FANCA: variants seen among roughly 807,000 people sequenced by gnomAD.
The protein encoded by FANCA is FA complementation group A.
In FANCA, 236 loss-of-function variants were observed where a neutral mutation model predicts 194.3. That is an observed-to-expected ratio of 1.21 (90% CI 1.09 to 1.35). The LOEUF (loss-of-function observed/expected upper bound fraction) is 1.35, where lower values mean the gene tolerates loss of function less well. Among genes scored for constraint, FANCA ranks in the 40% most tolerant of loss-of-function variants. The pLI, the probability that FANCA is intolerant of heterozygous loss-of-function variation, is 0.00. For synonymous variants in FANCA, 1,014 were observed against 715.8 expected, an observed-to-expected ratio of 1.42 and a Z score of -6.65; for missense variants, 2,628 against 1,813.9, an observed-to-expected ratio of 1.45 and a Z score of -8.15.
At chr16:89,759,993 CGGGGTGCTCCACCCACGCTGTCCGGAACT>C (rs2038898435) in intron 29 of FANCA, among the ~76,000 whole-genome samples, 4 of 151,240 alleles carry the variant, frequency 2.6e-5, no homozygotes, top group East Asian at 1.9e-4. Flanking sequence ...TGTCCGGGAC[CGGGGTGCTCCACCCACGCTGTCCGGAACT>C]GGGGTGCTCC....
In FANCA at chr16:89,775,591, G is replaced by C. The variant is rs138562629; in HGVS notation, c.1900+151C>G. On this transcript the variant is annotated intron_variant, in intron 21 of 42. Coordinates refer to ENST00000389301, the MANE Select transcript of FANCA (RefSeq NM_000135.4). ...GTGCCACAGCTGGCACTGGGCGTCA[G>C]CATGGTGGGCGGACCCTGTACCCAA... 16 of 677,104 alleles carry C rather than the reference G, an allele frequency of 2.4e-5. No homozygotes were observed. The African/African-American group carries it at 2.8e-4, about 12-fold the overall frequency. The allele number at this position is 677,104 out of a possible 1,614,324, so 41.9% of individuals were successfully genotyped here.
At position 89,814,508 on chromosome 16, in the gene FANCA, G is replaced by C. The variant is rs2143710577; in HGVS notation, c.283+12C>G. On this transcript the variant is annotated intron_variant, in intron 3 of 42. Transcript: ENST00000389301. ...TGCAATTCAAAATAGAGAAAATGAAGCTATAACTTACCTATAAATGAACTA... is the reference window on the plus strand; with the variant it reads ...TGCAATTCAAAATAGAGAAAATGAACCTATAACTTACCTATAAATGAACTA... 6.4e-7 allele frequency: 1 copy of C among 1,569,818 alleles called. No individual in the cohort carries two copies. The highest frequency in any genetic ancestry group is 8.8e-7 in the Non-Finnish European group (1 of 1,139,906).
At chr16:89,771,905 G>A (rs548683876) in intron 22 of FANCA, 91 bp from the exon 23 acceptor site, 10 of 1,433,770 alleles carry the variant, frequency 7.0e-6, no homozygotes, top group Non-Finnish European at 8.7e-6. Context: ...CGTCAAGTAC[G>A]ATTCCACGGA....
At chr16:89,741,734 C>G (rs960630267) in intron 37 of FANCA, among the ~76,000 whole-genome samples, 4 of 152,306 alleles carry the variant, frequency 2.6e-5, no homozygotes, top group Non-Finnish European at 5.9e-5. Context: ...ACGGTCCCAT[C>G]CTTGCTGCCT....
At chr16:89,798,331 G>A in intron 10 of FANCA, 1 of 1,026,596 alleles carries the variant, frequency 9.7e-7, no homozygotes. Flanking sequence ...AGCAGCCCAA[G>A]CTAACTGATG....
chr16:89,739,352 A>G, intron 40 of FANCA, 63 bp from the exon 41 acceptor site: 1 of 1,602,284 alleles, frequency 6.2e-7, no homozygotes, highest in South Asian at 1.1e-5. Context: ...GGTGATGCCA[A>G]GGGATACTGC....
intron 32 of FANCA, 94 bp from the exon 33 acceptor site, chr16:89,748,861 G>T (rs2038482421): frequency 3.0e-6 from 3 of 1,002,838 alleles, no homozygotes; most frequent in African/African-American, 3.2e-5. Flanking sequence ...CCACCACCCT[G>T]AAACCCAGGG....
rs559541393 is a variant in FANCA, at chr16:89,738,784, A to C, written c.4261-76T>G. ...CCACAGGGGAGGGGCTCTGGCAGAA[A>C]TAGTCGAGTTGTATTGCCAGCCAGG... is the stretch of plus-strand genomic sequence containing the variant. On this transcript the variant is annotated intron_variant, in intron 42 of 42. Coordinates refer to ENST00000389301, the MANE Select transcript of FANCA (RefSeq NM_000135.4). 8.4e-5 allele frequency: 135 copies of C among 1,613,088 alleles called. No individual in the cohort carries two copies. The South Asian group carries it at 1.4e-3, about 17-fold the overall frequency.
intron 14 of FANCA, among the ~76,000 whole-genome samples, chr16:89,790,521 G>C (rs2040034544): frequency 6.6e-6 from 1 of 151,984 alleles, no homozygotes; most frequent in African/African-American, 2.4e-5. Flanking sequence ...ATGAGGTCAG[G>C]AGTTAGAGAC....
intron 17 of FANCA, among the ~76,000 whole-genome samples, chr16:89,782,088 A>G (rs1258858595): frequency 6.6e-6 from 1 of 150,622 alleles, no homozygotes; most frequent in African/African-American, 2.4e-5. Context: ...AAAACAGTTA[A>G]CACTTGGCCA....
rs1016801509 is a variant in FANCA, at chr16:89,778,848, G to A, written c.1779C>T (p.Leu593=). Residue 593 remains leucine, a splice_region_variant and synonymous_variant, in exon 20 of 43, where the codon CTC becomes CTT. Coordinates refer to ENST00000389301, the MANE Select transcript of FANCA (RefSeq NM_000135.4). ...FLPALLTPRV[L]PKVPDSRVAF... ...CCACACGGGAGTCAGGGACTTTGGG[G>A]AGCTGTGGGAAGAGAAGAGACCTGT... 3 of 1,613,946 alleles carry A rather than the reference G, an allele frequency of 1.9e-6. No individual in the cohort carries two copies. The African/African-American group carries it at 4.0e-5, about 22-fold the overall frequency.
chr16:89,806,256 G>C (rs1375893994), intron 6 of FANCA, among the ~76,000 whole-genome samples: 1 of 151,608 alleles, frequency 6.6e-6, no homozygotes, highest in Non-Finnish European at 1.5e-5. Context: ...GTTCCATTTG[G>C]ACTTACGAAT....
chr16:89,750,055 T>C lies in FANCA; in HGVS notation c.3067-153A>G, dbSNP rs144356428. Among the ~76,000 whole-genome samples, 4 of 152,324 alleles carry C rather than the reference T, an allele frequency of 2.6e-5. No individual in the cohort carries two copies. In the East Asian group the frequency reaches 7.7e-4, roughly 29 times the overall value. On this transcript the variant is annotated intron_variant, in intron 31 of 42. Transcript: ENST00000389301. ...AAGCTATTTCAATTGGAAATCACTT[T>C]GAAATTGCAAATATAGAACAGTGCA...
At chr16:89,808,222 G>A (rs2143656258) in intron 6 of FANCA, 72 bp downstream of exon 6, 2 of 1,421,450 alleles carry the variant, frequency 1.4e-6, no homozygotes, top group Non-Finnish European at 2.0e-6. Context: ...GTCTGATTCT[G>A]GGCTTTGAAA....
At chr16:89,779,556 C>A (rs1432038068) in intron 18 of FANCA, among the ~76,000 whole-genome samples, 1 of 152,194 alleles carries the variant, frequency 6.6e-6, no homozygotes, top group African/African-American at 2.4e-5. Flanking sequence ...GGGGCATCAC[C>A]TGCTTTTACA....
intron 30 of FANCA, among the ~76,000 whole-genome samples, chr16:89,756,511 G>A (rs1191507723): frequency 6.6e-6 from 1 of 152,156 alleles, no homozygotes; most frequent in Non-Finnish European, 1.5e-5. Flanking sequence ...TGTGGTCCCA[G>A]CTACTTGAGG....
At chr16:89,747,413 G>A (rs17233567) in intron 33 of FANCA, among the ~76,000 whole-genome samples, 9,073 of 152,290 alleles carry the variant, frequency 0.06, 419 homozygotes, top group East Asian at 0.22. Flanking sequence ...GTCACATTTT[G>A]AAGTGCTGCA....
rs376523966 is a variant in FANCA at position 89,739,538 on chromosome 16, C to T, written c.3950G>A (p.Arg1317Gln). The change falls in exon 40 of 43, where the codon CGG (arginine) becomes CAG (glutamine). Residue 1317 changes from arginine to glutamine, a missense_variant. By Grantham distance (43) the Arg-to-Gln change is conservative. Coordinates refer to ENST00000389301, the MANE Select transcript of FANCA (RefSeq NM_000135.4). ...ATCCGGGGCCACACGGAGGAGGAGCCGCCCCAGCCTGAGGTCTGCAACACC... is the reference window on the plus strand; with the variant it reads ...ATCCGGGGCCACACGGAGGAGGAGCTGCCCCAGCCTGAGGTCTGCAACACC... ...QLTESDLRLG[R>Q]LLLRVAPDQH... 315 of 1,551,180 alleles carry T rather than the reference C, an allele frequency of 2.0e-4. No individual in the cohort carries two copies. Among genetic ancestry groups the T allele is most frequent in the South Asian group, 2.7e-4 (23 of 84,068 alleles).
rs557115328 is a variant in FANCA at position 89,751,474 on chromosome 16, T to C, written c.3066+664A>G. On this transcript the variant is annotated intron_variant, in intron 31 of 42. Transcript: ENST00000389301. The stretch of plus-strand genomic sequence containing the variant: ...GTGACAGAGCAAGACCCTGTCCCAA[T>C]AATAATAATAATTATGATTACAATT... Among the ~76,000 whole-genome samples the C allele has an allele frequency of 5.3e-5, 8 of 150,472 alleles. No homozygotes were observed. In the South Asian group the frequency reaches 1.7e-3, roughly 31 times the overall value.
Sources: gnomAD v4.1 joint callset for allele counts (sites outside exome capture counted in the v4.1 genomes callset) on GRCh38, gnomAD v4.1.1 for gene constraint, MANE v1.5 for transcripts, NCBI Gene and HGNC (gene_info 2026-07-23, HGNC 2026-07-21) for gene names.